FAM114A1: variants seen among roughly 807,000 people sequenced by gnomAD.
FAM114A1 encodes protein NOXP20.
Under a neutral mutation model 64.3 loss-of-function variants are expected in FAM114A1, and 62 were observed. That is an observed-to-expected ratio of 0.96 (90% CI 0.79 to 1.19). The LOEUF (loss-of-function observed/expected upper bound fraction) is 1.19. Ranked by LOEUF, FAM114A1 falls within the 50% of genes most tolerant of loss-of-function variation. FAM114A1 has a pLI of 0.00. For synonymous variants in FAM114A1, 254 were observed against 251.1 expected, an observed-to-expected ratio of 1.01 and a Z score of -0.11; for missense variants, 645 against 676.3, an observed-to-expected ratio of 0.95 and a Z score of 0.51.
chr4:38,909,446 T>G (rs1718326423), intron 7 of FAM114A1, among the ~76,000 whole-genome samples: 1 of 152,230 alleles, frequency 6.6e-6, no homozygotes, highest in Non-Finnish European at 1.5e-5. Flanking sequence ...CTCTCACACT[T>G]CCAGCACTAA....
intron 13 of FAM114A1, among the ~76,000 whole-genome samples, chr4:38,936,319 C>G (rs1306366392): frequency 6.6e-6 from 1 of 151,846 alleles, no homozygotes; most frequent in East Asian, 1.9e-4. Context: ...TGGTTTCGAT[C>G]TCCTGACCTC....
intron 7 of FAM114A1, 63 bp downstream of exon 7, chr4:38,908,789 A>T: frequency 7.1e-7 from 1 of 1,407,030 alleles, no homozygotes; most frequent in Non-Finnish European, 9.6e-7. Context: ...TTTTTTATTT[A>T]TCTTTTTGAA....
chr4:38,942,342 G>C, intron 14 of FAM114A1, among the ~76,000 whole-genome samples: 1 of 152,112 alleles, frequency 6.6e-6, no homozygotes, highest in Non-Finnish European at 1.5e-5. Flanking sequence ...TATTGTTTAG[G>C]ATGCGGCCGC....
In FAM114A1 at chr4:38,902,669, C is replaced by T. The variant is rs148064558; in HGVS notation, c.437-2853C>T. Among the ~76,000 whole-genome samples, 8 of 152,298 alleles carry T rather than the reference C, an allele frequency of 5.3e-5. No individual in the cohort carries two copies. In the East Asian group the frequency reaches 1.5e-3, roughly 29 times the overall value. ...AGTGAGCCAAAGAGTAGAGGATATT[C>T]CATCTTTAGAACCATGGAGTTTAGA... On this transcript the variant is annotated intron_variant, in intron 4 of 14. Coordinates refer to ENST00000358869, the MANE Select transcript of FAM114A1 (RefSeq NM_138389.4).
intron 3 of FAM114A1, among the ~76,000 whole-genome samples, chr4:38,891,177 T>C (rs1716339236): frequency 6.6e-6 from 1 of 152,226 alleles, no homozygotes; most frequent in East Asian, 1.9e-4. Context: ...GGAGTCACTA[T>C]GAGTGAAGCA....
intron 7 of FAM114A1, among the ~76,000 whole-genome samples, chr4:38,913,851 G>A (rs1217330525): frequency 4.7e-5 from 7 of 149,842 alleles, no homozygotes; most frequent in South Asian, 2.1e-4. Context: ...TGATCCCAGC[G>A]CTTTTGGAGG....
intron 8 of FAM114A1, among the ~76,000 whole-genome samples, chr4:38,920,924 G>A (rs927891885): frequency 2.0e-5 from 3 of 152,198 alleles, no homozygotes; most frequent in African/African-American, 7.2e-5. Flanking sequence ...ACTTCCTGCA[G>A]AGCTTCCTCC....
intron 2 of FAM114A1, among the ~76,000 whole-genome samples, chr4:38,874,023 A>C (rs1252331356): frequency 6.6e-6 from 1 of 152,194 alleles, no homozygotes; most frequent in African/African-American, 2.4e-5. Context: ...AATAGGAGTA[A>C]AAGAATGTAG....
chr4:38,897,060 GCAGGAGAATAA>G (rs1219630272), intron 4 of FAM114A1, among the ~76,000 whole-genome samples: 1 of 152,204 alleles, frequency 6.6e-6, no homozygotes, highest in Non-Finnish European at 1.5e-5. Flanking sequence ...TTGAGAGTTG[GCAGGAGAATAA>G]CAGGAGAATA....
intron 3 of FAM114A1, among the ~76,000 whole-genome samples, chr4:38,883,165 G>A (rs1715464803): frequency 6.6e-6 from 1 of 152,138 alleles, no homozygotes; most frequent in Admixed American, 6.5e-5. Flanking sequence ...CCAGAAATCT[G>A]GGTGGTGTAA....
At chr4:38,894,844 C>T (rs774288169) in intron 4 of FAM114A1, among the ~76,000 whole-genome samples, 1 of 152,126 alleles carries the variant, frequency 6.6e-6, no homozygotes, top group Non-Finnish European at 1.5e-5. Context: ...AACATGCATT[C>T]ATTATTTTAC....
intron 8 of FAM114A1, among the ~76,000 whole-genome samples, chr4:38,917,669 G>A (rs1579372638): frequency 3.3e-5 from 5 of 152,172 alleles, no homozygotes; most frequent in Admixed American, 3.3e-4. Flanking sequence ...AGATATCATG[G>A]TGGTGGAGAA....
intron 3 of FAM114A1, among the ~76,000 whole-genome samples, chr4:38,883,890 G>T (rs563307456): frequency 1.3e-5 from 2 of 152,300 alleles, no homozygotes; most frequent in African/African-American, 4.8e-5. Flanking sequence ...GTGCCATTCT[G>T]CCATAGAGAG....
intron 12 of FAM114A1, 107 bp downstream of exon 12, chr4:38,932,481 T>C (rs1720735106): frequency 8.3e-7 from 1 of 1,203,892 alleles, no homozygotes; most frequent in South Asian, 1.7e-5. Flanking sequence ...AAGATTCAGG[T>C]TTCTTTTTGT....
intron 7 of FAM114A1, among the ~76,000 whole-genome samples, chr4:38,910,632 A>T (rs972386266): frequency 6.6e-6 from 1 of 152,202 alleles, no homozygotes; most frequent in African/African-American, 2.4e-5. Flanking sequence ...AGTGTTAAGT[A>T]GGATAGTGAG....
intron 4 of FAM114A1, among the ~76,000 whole-genome samples, chr4:38,904,679 A>T (rs1167997820): frequency 6.6e-6 from 1 of 152,258 alleles, no homozygotes; most frequent in Admixed American, 6.5e-5. Flanking sequence ...GCCTAAAGGA[A>T]GGCCTAATGC....
chr4:38,934,292 G>A (rs1720899911), intron 12 of FAM114A1, among the ~76,000 whole-genome samples: 1 of 152,080 alleles, frequency 6.6e-6, no homozygotes, highest in African/African-American at 2.4e-5. Flanking sequence ...TCCCTGATTT[G>A]CCTGTACAAT....
intron 2 of FAM114A1, among the ~76,000 whole-genome samples, chr4:38,869,719 G>T (rs867948891): frequency 0.016 from 2,298 of 141,326 alleles, 33 homozygotes; most frequent in African/African-American, 0.039. Flanking sequence ...CACTGTTTTT[G>T]TTTTTTTTTT....
At position 38,891,470 on chromosome 4, in the gene FAM114A1, A is replaced by G. The variant is rs147503193; in HGVS notation, c.349-273A>G. On this transcript the variant is annotated intron_variant, in intron 3 of 14. Transcript: ENST00000358869. ...GCCTTTTCCCTGTCTTCTAAATAAT[A>G]AGAGAGAATCGAGGCTCAGTTAACA... Among the ~76,000 whole-genome samples the G allele has an allele frequency of 1.9e-3, 287 of 152,274 alleles. 2 individuals carry two copies. The highest frequency in any genetic ancestry group is 0.017 in the Middle Eastern group (5 of 294).
Sources: gnomAD v4.1 joint callset for allele counts (sites outside exome capture counted in the v4.1 genomes callset) on GRCh38, gnomAD v4.1.1 for gene constraint, MANE v1.5 for transcripts, NCBI Gene and HGNC (gene_info 2026-07-23, HGNC 2026-07-21) for gene names.